GASK1A: variants seen among roughly 807,000 people sequenced by gnomAD.
The protein encoded by GASK1A is Golgi-associated kinase 1A.
GASK1A carries 40 observed loss-of-function variants against 41.2 expected under a neutral mutation model. The observed-to-expected ratio is 0.97, with a 90% CI of 0.75 to 1.27. GASK1A has a LOEUF of 1.27. Among genes scored for constraint, GASK1A ranks in the 50% most tolerant of loss-of-function variants. The pLI, the probability that GASK1A is intolerant of heterozygous loss-of-function variation, is 0.00. For missense variants in GASK1A, 678 were observed against 745.1 expected (o/e 0.91, Z 1.05); for synonymous variants, 316 against 307.1 (o/e 1.03, Z -0.30).
intron 1 of GASK1A, among the ~76,000 whole-genome samples, chr3:43,021,537 A>G (rs2089522135): frequency 6.6e-6 from 1 of 152,236 alleles, no homozygotes. Context: ...GACCCCTGAA[A>G]GGTAGACTGT....
chr3:42,985,090 GCTT>G (rs201234793), intron 1 of GASK1A, among the ~76,000 whole-genome samples: 2,338 of 152,282 alleles, frequency 0.015, 23 homozygotes, highest in Non-Finnish European at 0.025. Flanking sequence ...GGAAGGTAGA[GCTT>G]CTAACTGCAT....
At chr3:42,998,633 C>T (rs1016804446) in intron 1 of GASK1A, among the ~76,000 whole-genome samples, 2 of 152,118 alleles carry the variant, frequency 1.3e-5, no homozygotes, top group African/African-American at 2.4e-5. Flanking sequence ...CAGGAGTGTG[C>T]GGTAGGCAGG....
At chr3:43,049,216 G>T (rs1196285702) in intron 2 of GASK1A, among the ~76,000 whole-genome samples, 3 of 152,054 alleles carry the variant, frequency 2.0e-5, no homozygotes, top group African/African-American at 7.2e-5. Flanking sequence ...TGTGTTTAGA[G>T]GGAAATTTCT....
Position 42,984,118 on chromosome 3 carries a change from G to A in GASK1A, c.3+4473G>A, listed in dbSNP as rs2089294934. Among the ~76,000 whole-genome samples the A allele has an allele frequency of 2.6e-5, 4 of 151,986 alleles. No individual in the cohort carries two copies. The highest frequency in any genetic ancestry group is 2.6e-4 in the Admixed American group (4 of 15,254). The stretch of plus-strand genomic sequence containing the variant: ...GGGCTGTCTTTGCTTGGATCATCTT[G>A]TGATGTGACTGCTAAAGTGTTTCTG... On this transcript the variant is annotated intron_variant, in intron 1 of 4. Coordinates refer to ENST00000430121, the MANE Select transcript of GASK1A (RefSeq NM_001129908.3). The surrounding 1 kb of genome is among the most constrained non-coding windows in gnomAD (Gnocchi z 4.2).
Position 43,039,011 on chromosome 3 carries a change from TA to T in GASK1A, c.1290+5467del, listed in dbSNP as rs568634281. On this transcript the variant is annotated intron_variant, in intron 2 of 4. Transcript: ENST00000430121. ...AATAAACATCTTTATTCTTTTAGTA[TA>T]AAAAAAAAGAAAGTACCTCTTTTGA... Among the ~76,000 whole-genome samples the T allele has an allele frequency of 9.9e-3, 1,414 of 143,472 alleles. 25 individuals are homozygous for T. The highest frequency in any genetic ancestry group is 0.034 in the African/African-American group (1,327 of 39,540). 94.1% of individuals were successfully genotyped at this position (143,472 alleles called of 152,430 possible). A position where few individuals can be genotyped will look rare whatever the true frequency, so the allele number is the denominator to read the frequency against.
chr3:42,986,450 G>GTT (rs2089311149), intron 1 of GASK1A, among the ~76,000 whole-genome samples: 1 of 152,126 alleles, frequency 6.6e-6, no homozygotes, highest in Non-Finnish European at 1.5e-5. Flanking sequence ...ATACAGAAAA[G>GTT]TTTCAGGTTT....
chr3:43,033,214 T>A lies in GASK1A; in HGVS notation c.951T>A (p.Cys317Ter). 6.4e-7 allele frequency: 1 copy of A among 1,551,668 alleles called. No homozygotes were observed. The highest frequency in any genetic ancestry group is 2.4e-5 in the East Asian group (1 of 40,920). The change falls in exon 2 of 5, where the codon TGT (cysteine) becomes TGA (stop). Residue 317 changes from cysteine to a stop codon, truncating the protein, a stop_gained. Transcript: ENST00000430121. LOFTEE classifies it high-confidence loss of function. ...GCCAACTCTGTTCCCAAGGGCTCTG[T>A]GGCCTGATCAAGAGGCCTGGGGACC... ...RLSQLCSQGL[C>*]GLIKRPGDLP... is the part of the protein sequence containing the mutation.
At chr3:43,039,205 G>GTTTTTTTTTTTTT (rs1329284553) in intron 2 of GASK1A, among the ~76,000 whole-genome samples, 2 of 125,788 alleles carry the variant, frequency 1.6e-5, no homozygotes, top group African/African-American at 2.9e-5. Context: ...TTTTTTTTTG[G>GTTTTTTTTTTTTT]TTTTTTTTTT....
chr3:43,022,492 GAAA>G (rs71616074), intron 1 of GASK1A, among the ~76,000 whole-genome samples: 2 of 140,234 alleles, frequency 1.4e-5, no homozygotes, highest in South Asian at 2.3e-4. Context: ...CATTGTAGAA[GAAA>G]AAAAAAAAAA....
chr3:42,997,269 T>C (rs2089380533), intron 1 of GASK1A, among the ~76,000 whole-genome samples: 1 of 152,194 alleles, frequency 6.6e-6, no homozygotes, highest in South Asian at 2.1e-4. Flanking sequence ...GGGGTTGAGT[T>C]GCTGGGTCTG....
rs750923518 is a variant in GASK1A, at chr3:43,033,478, G to A, written c.1215G>A (p.Trp405Ter). 6.4e-6 allele frequency: 10 copies of A among 1,550,456 alleles called. No homozygotes were observed. In the East Asian group the frequency reaches 7.3e-5, roughly 11 times the overall value. Residue 405 changes from tryptophan to a stop codon, truncating the protein, a stop_gained, in exon 2 of 5, where the codon TGG (tryptophan) becomes TGA (stop). Transcript: ENST00000430121. LOFTEE classifies it high-confidence loss of function. ...YQALLAHSCN[W>*]PGQAPCPGIH... ...CCCTGCTGGCACACAGCTGCAACTG[G>A]CCAGGCCAGGCCCCGTGCCCGGGCA...
At chr3:43,028,589 C>G (rs57079337) in intron 1 of GASK1A, among the ~76,000 whole-genome samples, 28,844 of 152,034 alleles carry the variant, frequency 0.19, 2,971 homozygotes, top group South Asian at 0.35. Flanking sequence ...GTGCAGAGCA[C>G]ACAGAGTCAT....
intron 1 of GASK1A, among the ~76,000 whole-genome samples, chr3:42,995,662 G>T (rs2089365569): frequency 6.6e-6 from 1 of 152,002 alleles, no homozygotes. Context: ...TTCCTAATTG[G>T]CTCGGCCTCC....
chr3:43,034,070 C>G (rs2089593468), intron 2 of GASK1A, among the ~76,000 whole-genome samples: 1 of 152,206 alleles, frequency 6.6e-6, no homozygotes, highest in Non-Finnish European at 1.5e-5. Context: ...AATCAGGACT[C>G]CCCTCTACTC....
At chr3:42,994,245 AG>A (rs1218534905) in intron 1 of GASK1A, among the ~76,000 whole-genome samples, 3 of 152,150 alleles carry the variant, frequency 2.0e-5, no homozygotes, top group Non-Finnish European at 4.4e-5. Context: ...GTATAGATAG[AG>A]GAGAAGAAAG....
chr3:42,989,305 T>G (rs2089328922), intron 1 of GASK1A, among the ~76,000 whole-genome samples: 2 of 152,138 alleles, frequency 1.3e-5, no homozygotes, highest in Admixed American at 1.3e-4. Context: ...ACATTTGCTT[T>G]CTGTCTCCAG....
intron 1 of GASK1A, among the ~76,000 whole-genome samples, chr3:43,005,296 G>C (rs1187418697): frequency 6.6e-6 from 1 of 152,144 alleles, no homozygotes; most frequent in Admixed American, 6.5e-5. Flanking sequence ...AGTACCCTTG[G>C]TTTCACTTTC....
At position 43,055,423 on chromosome 3, in the gene GASK1A, T is replaced by C. The variant is rs2089711136; in HGVS notation, c.1414-9T>C. ...CCCACCTCTGTCTCTGTCCACCCTCTTCCCTGAGGTCCGGAGCAGCGATCC... is the reference window on the plus strand; with the variant it reads ...CCCACCTCTGTCTCTGTCCACCCTCCTCCCTGAGGTCCGGAGCAGCGATCC... On this transcript the variant is annotated splice_polypyrimidine_tract_variant and intron_variant, in intron 3 of 4. Coordinates refer to ENST00000430121, the MANE Select transcript of GASK1A (RefSeq NM_001129908.3). 1 of 1,548,926 alleles carries C rather than the reference T, an allele frequency of 6.5e-7. No homozygotes were observed. The highest frequency in any genetic ancestry group is 2.0e-5 in the Admixed American group (1 of 50,958).
At chr3:42,999,733 G>A (rs2125676514) in intron 1 of GASK1A, among the ~76,000 whole-genome samples, 1 of 152,312 alleles carries the variant, frequency 6.6e-6, no homozygotes, top group South Asian at 2.1e-4. Context: ...GTTCTCTATA[G>A]CTCTGGTCAG....
Sources: allele counts gnomAD v4.1 joint callset (sites outside exome capture counted in the v4.1 genomes callset), GRCh38; gene constraint gnomAD v4.1.1; non-coding constraint Gnocchi (gnomAD v3.1); transcripts MANE v1.5; gene names NCBI Gene and HGNC (gene_info 2026-07-23, HGNC 2026-07-21).